Variants in FLNB observed in about 807,000 individuals in gnomAD.
The protein encoded by FLNB is filamin B.
A neutral mutation model predicts 250.6 loss-of-function variants in FLNB; 111 were observed. The ratio of observed to expected loss-of-function variants is 0.44; its 90% confidence interval spans 0.38 to 0.52. The LOEUF (loss-of-function observed/expected upper bound fraction) is 0.52. Ranked by LOEUF, FLNB falls within the 20% of genes least tolerant of loss-of-function variation. The probability of loss-of-function intolerance (pLI) is 0.00; values close to 1 mark genes in which losing one functional copy is unlikely to be tolerated. For synonymous variants in FLNB, 1,302 were observed against 1,372.1 expected (o/e 0.95, Z 1.13); for missense variants, 2,869 against 3,447.8 (o/e 0.83, Z 4.20).
intron 3 of FLNB, 51 bp downstream of exon 3, chr3:58,078,865 G>C (rs372192183): frequency 7.0e-7 from 1 of 1,424,320 alleles, no homozygotes; most frequent in Non-Finnish European, 9.8e-7. Context: ...CCACTAGCTT[G>C]TTCTGTGGAT....
chr3:58,047,648 AC>A (rs1450605453), intron 1 of FLNB, among the ~76,000 whole-genome samples: 2 of 151,582 alleles, frequency 1.3e-5, no homozygotes, highest in Non-Finnish European at 2.9e-5. Context: ...ATCTTGGCTT[AC>A]TGCATCCTCT....
chr3:58,123,653 C>A lies in FLNB; in HGVS notation c.3687C>A (p.Ser1229Arg). ...RVKVEPAVDT[S>R]RIKVFGPGIE... ...AGGTGGAGCCCGCCGTGGACACCAG[C>A]AGGATCAAAGTCTTTGGACCAGGAA... Residue 1229 changes from serine (S) to arginine (R), a missense_variant, in exon 21 of 46, where the codon AGC becomes AGA. Coordinates refer to ENST00000295956, the MANE Select transcript of FLNB (RefSeq NM_001457.4). 1 of 1,605,270 alleles carries A rather than the reference C, an allele frequency of 6.2e-7. No homozygotes were observed. Among genetic ancestry groups the A allele is most frequent in the East Asian group, 2.2e-5 (1 of 44,666 alleles).
intron 14 of FLNB, 123 bp from the exon 15 acceptor site, chr3:58,109,453 G>A: frequency 6.3e-7 from 1 of 1,591,220 alleles, no homozygotes; most frequent in Non-Finnish European, 8.6e-7. Flanking sequence ...GAATGATGGA[G>A]GGGCCCGAAG....
At chr3:58,148,133 A>T in intron 34 of FLNB, 73 bp from the exon 35 acceptor site, 1 of 1,477,676 alleles carries the variant, frequency 6.8e-7, no homozygotes, top group African/African-American at 1.4e-5. Context: ...CGTGAACAGC[A>T]TATGGCATGG....
intron 35 of FLNB, 65 bp from the exon 36 acceptor site, chr3:58,148,584 G>T: frequency 1.4e-6 from 2 of 1,407,562 alleles, no homozygotes; most frequent in Non-Finnish European, 2.0e-6. Context: ...ATTTCTGAGA[G>T]TGTGTCTCTC....
chr3:58,170,970 G>A lies in FLNB; in HGVS notation c.*208G>A. 1.7e-6 allele frequency: 1 copy of A among 571,606 alleles called. No homozygotes were observed. The allele number at this position is 571,606 out of a possible 1,614,324, so 35.4% of individuals were successfully genotyped here. A position where few individuals can be genotyped will look rare whatever the true frequency, so the allele number is the denominator to read the frequency against. ...ATCTTAAGAAATGCAAGCTTGTTCA[G>A]GGGGCTGAGAAGATCCTGAGTACAC... On this transcript the variant is annotated 3_prime_UTR_variant, in exon 46 of 46. Coordinates refer to ENST00000295956, the MANE Select transcript of FLNB (RefSeq NM_001457.4).
chr3:58,078,847 GC>G, intron 3 of FLNB, 33 bp downstream of exon 3: 3 of 1,543,022 alleles, frequency 1.9e-6, no homozygotes, highest in Non-Finnish European at 1.8e-6. Flanking sequence ...CTGTGAGGCT[GC>G]CCCCACCCAC....
At chr3:58,071,274 CTTTTT>C (rs57488190) in intron 1 of FLNB, among the ~76,000 whole-genome samples, 35 of 81,634 alleles carry the variant, frequency 4.3e-4, no homozygotes, top group African/African-American at 1.9e-3. Context: ...CTCCTCGATT[CTTTTT>C]TTTTTTTTTT....
intron 1 of FLNB, among the ~76,000 whole-genome samples, chr3:58,020,719 GAAA>G (rs10716613): frequency 8.0e-6 from 1 of 125,206 alleles, no homozygotes; most frequent in Non-Finnish European, 1.8e-5. Context: ...TTCCTTTCCA[GAAA>G]AAAAAAAAAA....
chr3:58,102,276 A>G lies in FLNB; in HGVS notation c.1419A>G (p.Thr473=), dbSNP rs183109235. ...AAGGCGTCCGTATCCGGGAGACCAC[A>G]GATTTCAAGGTTGACACCAAAGCTG... ...QPKGVRIRET[T]DFKVDTKAAG... Residue 473 remains threonine (T), a synonymous_variant, in exon 9 of 46, where the codon ACA becomes ACG. Transcript: ENST00000295956. 1.9e-6 allele frequency: 3 copies of G among 1,614,242 alleles called. No individual in the cohort carries two copies. Among genetic ancestry groups the G allele is most frequent in the African/African-American group, 2.7e-5 (2 of 75,070 alleles).
intron 29 of FLNB, among the ~76,000 whole-genome samples, chr3:58,140,128 T>A (rs987479102): frequency 6.6e-6 from 1 of 152,192 alleles, no homozygotes; most frequent in African/African-American, 2.4e-5. Context: ...ACTGACTGAC[T>A]GTTCATTGGC....
intron 1 of FLNB, among the ~76,000 whole-genome samples, chr3:58,045,269 C>A (rs1426699964): frequency 6.6e-6 from 1 of 152,170 alleles, no homozygotes. Flanking sequence ...TCACCATGAT[C>A]AGTTTGAAAA....
intron 42 of FLNB, 79 bp downstream of exon 42, chr3:58,159,765 A>AG: frequency 6.7e-7 from 1 of 1,482,952 alleles, no homozygotes; most frequent in Non-Finnish European, 9.3e-7. Context: ...GTCCCAAGGG[A>AG]GGGCTGATCA....
At chr3:58,152,868 G>A (rs183000783) in intron 38 of FLNB, 6 of 535,920 alleles carry the variant, frequency 1.1e-5, no homozygotes, top group East Asian at 1.4e-4. Context: ...AGCAGCTCAC[G>A]GAGAGTGATG....
chr3:58,111,774 C>A lies in FLNB; in HGVS notation c.2485-17C>A, dbSNP rs749705854. The A allele has an allele frequency of 2.5e-6, 4 of 1,600,446 alleles. No homozygotes were observed. The African/African-American group carries it at 4.0e-5, about 16-fold the overall frequency. On this transcript the variant is annotated splice_polypyrimidine_tract_variant and intron_variant, in intron 16 of 45. Coordinates refer to ENST00000295956, the MANE Select transcript of FLNB (RefSeq NM_001457.4). ...TGCTTCAGGGGCTTTCCTACTAAGA[C>A]TGTGTCTCTGCTACAGGAAATCCCC...
intron 1 of FLNB, among the ~76,000 whole-genome samples, chr3:58,012,390 A>G (rs940370614): frequency 2.0e-5 from 3 of 152,118 alleles, no homozygotes; most frequent in African/African-American, 7.2e-5. Flanking sequence ...TGTGGAGGTG[A>G]CCCAGCTAGC....
chr3:58,018,221 CT>C (rs1439459019), intron 1 of FLNB, among the ~76,000 whole-genome samples: 3 of 150,960 alleles, frequency 2.0e-5, no homozygotes, highest in Admixed American at 6.6e-5. Context: ...AAGAAAAGAA[CT>C]TTTATCGGAA....
chr3:58,060,306 C>CG (rs1249461004), intron 1 of FLNB, among the ~76,000 whole-genome samples: 1 of 150,628 alleles, frequency 6.6e-6, no homozygotes, highest in Non-Finnish European at 1.5e-5. Context: ...TGTTTGAGCC[C>CG]GGGAGTTTGA....
chr3:58,143,373 T>G, intron 31 of FLNB, 100 bp from the exon 32 acceptor site: 1 of 1,271,810 alleles, frequency 7.9e-7, no homozygotes, highest in Non-Finnish European at 1.1e-6. Context: ...TGTTCTTGGG[T>G]CTGGAAACCT....
Sources: allele counts gnomAD v4.1 joint callset (sites outside exome capture counted in the v4.1 genomes callset), GRCh38; gene constraint gnomAD v4.1.1; transcripts MANE v1.5; gene names NCBI Gene and HGNC (gene_info 2026-07-23, HGNC 2026-07-21).